Variants in TCF4 observed in about 807,000 individuals in gnomAD.
TCF4 encodes the protein transcription factor 4.
TCF4 carries 3 observed loss-of-function variants against 82.1 expected under a neutral mutation model. That is an observed-to-expected ratio of 0.04 (90% CI 0.02 to 0.09). The LOEUF is 0.09. Ranked by LOEUF, TCF4 falls within the 10% of genes least tolerant of loss-of-function variation. The pLI is 1.00. For synonymous variants in TCF4, 276 were observed against 309.6 expected (o/e 0.89, Z 1.14); for missense variants, 518 against 852.7 (o/e 0.61, Z 4.89).
At chr18:55,514,445 A>AC (rs1555716325) in intron 3 of TCF4, among the ~76,000 whole-genome samples, 1 of 94,274 alleles carries the variant, frequency 1.1e-5, no homozygotes, top group Non-Finnish European at 2.4e-5. Context: ...ACACACACAC[A>AC]CCCCAATCAT....
chr18:55,534,250 G>A (rs1052526982), intron 3 of TCF4, among the ~76,000 whole-genome samples: 5 of 152,202 alleles, frequency 3.3e-5, no homozygotes, highest in South Asian at 2.1e-4. Flanking sequence ...GATTAGGGAC[G>A]CTCAACCTGT....
Position 55,223,727 on chromosome 18 carries a change from A to AT in TCF4, c.*4307dup, listed in dbSNP as rs144800392. On this transcript the variant is annotated 3_prime_UTR_variant, in exon 20 of 20. Transcript: ENST00000354452. ...GTTTTCCCTTTTTTTTTTTTTAACA[A>AT]TTTTTTTAAGTTTTTAATGCTGCAG... The AT allele has an allele frequency of 0.11, 15,736 of 145,304 alleles. 906 individuals are homozygous for AT. The highest frequency in any genetic ancestry group is 0.2 in the Middle Eastern group (56 of 282). The allele number at this position is 145,304 out of a possible 1,614,324, so 9.0% of individuals were successfully genotyped here.
chr18:55,275,623 C>T lies in TCF4; in HGVS notation c.785G>A (p.Arg262His), dbSNP rs1555796645. 2 of 1,613,726 alleles carry T rather than the reference C, an allele frequency of 1.2e-6. No individual in the cohort carries two copies. Among genetic ancestry groups the T allele is most frequent in the Non-Finnish European group, 1.7e-6 (2 of 1,179,734 alleles). The change falls in exon 10 of 20, where the codon CGT becomes CAT. Residue 262 changes from arginine (R) to histidine (H), a missense_variant. Transcript: ENST00000354452. ...TACCGTGTATGTCTGCCTTACCAAA[C>T]GTTCATGTGGATGCAGGCTACAGTA... ...SSYCSLHPHE[R>H]LSYPSHSSAD...
At chr18:55,375,811 A>G (rs924154635) in intron 6 of TCF4, among the ~76,000 whole-genome samples, 3 of 152,120 alleles carry the variant, frequency 2.0e-5, no homozygotes, top group African/African-American at 4.8e-5. Context: ...AAAACATTTA[A>G]AAGTATGAAA....
chr18:55,468,261 A>T (rs1323330021), intron 3 of TCF4, among the ~76,000 whole-genome samples: 3 of 152,236 alleles, frequency 2.0e-5, no homozygotes, highest in Admixed American at 1.3e-4. Flanking sequence ...AAATGCACAC[A>T]GTGAAGGACT....
chr18:55,279,745 G>A (rs2062162187), intron 8 of TCF4, 89 bp from the exon 9 acceptor site: 1 of 1,580,442 alleles, frequency 6.3e-7, no homozygotes, highest in Non-Finnish European at 8.6e-7. Context: ...GGCAGAAAGT[G>A]CTACATTTCT....
chr18:55,269,653 A>T, intron 11 of TCF4, 178 bp downstream of exon 11: 1 of 826,180 alleles, frequency 1.2e-6, no homozygotes, highest in Non-Finnish European at 1.9e-6. Context: ...GACGAAAAAT[A>T]TGGTTATGCT....
intron 15 of TCF4, among the ~76,000 whole-genome samples, chr18:55,244,121 G>A: frequency 6.6e-6 from 1 of 152,272 alleles, no homozygotes; most frequent in South Asian, 2.1e-4. Context: ...CCAGCTCCCA[G>A]GGGAGGAGGC....
rs187598991 is a variant in TCF4, at chr18:55,404,132, C to G, written c.305-614G>C. ...CTCTGAACCCAAGTTCAGATTCCAC[C>G]AATAGACCCAGCAGGACAAGGGATC... On this transcript the variant is annotated intron_variant, in intron 5 of 19. Transcript: ENST00000354452. 1.0e-5 allele frequency: 7 copies of G among 683,700 alleles called. No individual in the cohort carries two copies. The Admixed American group carries it at 3.5e-4, about 34-fold the overall frequency. The allele number at this position is 683,700 out of a possible 1,614,324, so 42.4% of individuals were successfully genotyped here.
At chr18:55,497,861 A>G (rs2096654560) in intron 3 of TCF4, among the ~76,000 whole-genome samples, 1 of 152,140 alleles carries the variant, frequency 6.6e-6, no homozygotes, top group Non-Finnish European at 1.5e-5. Context: ...TGGAAGGGGA[A>G]AAAAAAACCT....
rs1263528035 is a variant in TCF4 at position 55,631,423 on chromosome 18, A to G, written c.196-35T>C. The G allele has an allele frequency of 4.5e-6, 7 of 1,539,700 alleles. No homozygotes were observed. The African/African-American group carries it at 9.6e-5, about 21-fold the overall frequency. On this transcript the variant is annotated intron_variant, in intron 1 of 20. Transcript: ENST00000398339. ...GGAGAAAAGATGGTGGACATGTTAG[A>G]ATGAAGGCAGGTAGACAAGTTAGAA...
chr18:55,610,932 A>G (rs2097706447), intron 2 of TCF4, among the ~76,000 whole-genome samples: 1 of 152,172 alleles, frequency 6.6e-6, no homozygotes, highest in South Asian at 2.1e-4. Flanking sequence ...TTCTTTTCTT[A>G]TGGTGAAGAG....
chr18:55,554,409 A>T (rs1194610386), intron 3 of TCF4, among the ~76,000 whole-genome samples: 1 of 152,104 alleles, frequency 6.6e-6, no homozygotes, highest in East Asian at 1.9e-4. Flanking sequence ...TACACACTGA[A>T]TTCTAACTTC....
At chr18:55,390,286 T>TAAAAAAAAAA (rs56965997) in intron 6 of TCF4, among the ~76,000 whole-genome samples, 2 of 82,234 alleles carry the variant, frequency 2.4e-5, no homozygotes, top group Admixed American at 1.4e-4. Context: ...CCCTGACTCT[T>TAAAAAAAAAA]AAAAAAAAAA....
chr18:55,406,650 T>A (rs1190627093), intron 5 of TCF4, among the ~76,000 whole-genome samples: 1 of 152,214 alleles, frequency 6.6e-6, no homozygotes, highest in African/African-American at 2.4e-5. Flanking sequence ...CTGTGTTTAC[T>A]CTATGTCAGG....
intron 2 of TCF4, among the ~76,000 whole-genome samples, chr18:55,602,326 C>T (rs527266164): frequency 3.9e-5 from 6 of 152,188 alleles, no homozygotes; most frequent in Non-Finnish European, 5.9e-5. Context: ...TATCCACGCC[C>T]TCAACTCTCC....
intron 3 of TCF4, among the ~76,000 whole-genome samples, chr18:55,580,169 C>T (rs1289065220): frequency 6.6e-6 from 1 of 151,994 alleles, no homozygotes; most frequent in Non-Finnish European, 1.5e-5. Flanking sequence ...AGTACTGCTT[C>T]TGCCTTCTGA....
intron 8 of TCF4, among the ~76,000 whole-genome samples, chr18:55,318,445 AT>A (rs1376960123): frequency 6.6e-6 from 1 of 151,880 alleles, no homozygotes; most frequent in African/African-American, 2.4e-5. Flanking sequence ...TGGTGCTTTA[AT>A]TTTTTTTAAG....
chr18:55,281,459 TC>T (rs1166870415), intron 8 of TCF4, among the ~76,000 whole-genome samples: 1 of 152,162 alleles, frequency 6.6e-6, no homozygotes, highest in African/African-American at 2.4e-5. Flanking sequence ...CTGACAGCAA[TC>T]TGGCCTCAGT....
Sources: allele counts gnomAD v4.1 joint callset (sites outside exome capture counted in the v4.1 genomes callset), GRCh38; gene constraint gnomAD v4.1.1; transcripts MANE v1.5; gene names NCBI Gene and HGNC (gene_info 2026-07-23, HGNC 2026-07-21).